The following PIP5K1B variants were observed in gnomAD, a reference collection of about 807,000 sequenced individuals.
The protein encoded by PIP5K1B is phosphatidylinositol-4-phosphate 5-kinase type 1 beta.
PIP5K1B carries 42 observed loss-of-function variants against 67.0 expected under a neutral mutation model. The observed-to-expected ratio is 0.63, with a 90% CI of 0.49 to 0.81. The LOEUF (loss-of-function observed/expected upper bound fraction) is 0.81, where lower values mean the gene tolerates loss of function less well. Among genes scored for constraint, PIP5K1B ranks in the 30% least tolerant of loss-of-function variants. The pLI, the probability that PIP5K1B is intolerant of heterozygous loss-of-function variation, is 0.00. For synonymous variants in PIP5K1B, 214 were observed against 231.4 expected (o/e 0.92, Z 0.68); for missense variants, 459 against 646.3 (o/e 0.71, Z 3.14).
At chr9:68,985,117 G>A (rs1403660362) in intron 14 of PIP5K1B, among the ~76,000 whole-genome samples, 1 of 152,184 alleles carries the variant, frequency 6.6e-6, no homozygotes, top group Non-Finnish European at 1.5e-5. Context: ...GTCTAAGGAA[G>A]GCAGCTGCAA....
At chr9:68,891,999 A>G (rs533182770) in intron 7 of PIP5K1B, among the ~76,000 whole-genome samples, 13 of 152,320 alleles carry the variant, frequency 8.5e-5, no homozygotes, top group South Asian at 6.2e-4. Flanking sequence ...AAAGAATGTA[A>G]TAAGAAAAAT....
chr9:68,979,047 T>C (rs1829767808), intron 14 of PIP5K1B, among the ~76,000 whole-genome samples: 1 of 152,370 alleles, frequency 6.6e-6, no homozygotes, highest in Admixed American at 6.5e-5. Context: ...AATCAAGACT[T>C]GTATATAGAA....
chr9:68,879,234 A>G (rs1824050704), intron 6 of PIP5K1B, among the ~76,000 whole-genome samples: 1 of 152,234 alleles, frequency 6.6e-6, no homozygotes, highest in Admixed American at 6.5e-5. Context: ...TCTGGGATGT[A>G]CTTCAATAGT....
At chr9:68,778,495 CAATCTAAATTT>C (rs1393162079) in intron 2 of PIP5K1B, among the ~76,000 whole-genome samples, 2 of 152,176 alleles carry the variant, frequency 1.3e-5, no homozygotes, top group Admixed American at 1.3e-4. Flanking sequence ...ATTTCTTTCA[CAATCTAAATTT>C]AATCCATCTG....
rs901949471 is a variant in PIP5K1B, at chr9:68,920,375, T to C, written c.1116+646T>C. Among the ~76,000 whole-genome samples, 12 of 130,226 alleles carry C rather than the reference T, an allele frequency of 9.2e-5. 1 individual carries two copies. The highest frequency in any genetic ancestry group is 3.8e-4 in the African/African-American group (12 of 31,756). 85.4% of individuals were successfully genotyped at this position (130,226 alleles called of 152,430 possible). A position where few individuals can be genotyped will look rare whatever the true frequency, so the allele number is the denominator to read the frequency against. ...TGAGGTTGTCTTTTTTTTTTTTTTT[T>C]TTTTTTTTTTGAGATGGAGTCTTGC... On this transcript the variant is annotated intron_variant, in intron 11 of 15. Coordinates refer to ENST00000265382, the MANE Select transcript of PIP5K1B (RefSeq NM_003558.4).
intron 4 of PIP5K1B, among the ~76,000 whole-genome samples, chr9:68,838,108 A>G (rs1049362454): frequency 9.0e-5 from 13 of 144,654 alleles, no homozygotes; most frequent in Non-Finnish European, 1.5e-4. Flanking sequence ...TTTTTTTTCC[A>G]TTACATTTTC....
At chr9:68,789,501 A>T in intron 2 of PIP5K1B, 1 of 521,758 alleles carries the variant, frequency 1.9e-6, no homozygotes. Flanking sequence ...GTAAACACTT[A>T]AGAGACAGTG....
intron 14 of PIP5K1B, among the ~76,000 whole-genome samples, chr9:68,968,527 C>G (rs1439010628): frequency 6.8e-6 from 1 of 148,136 alleles, no homozygotes; most frequent in Admixed American, 6.8e-5. Flanking sequence ...AAAACCTGTT[C>G]TAATAACTGC....
intron 1 of PIP5K1B, among the ~76,000 whole-genome samples, chr9:68,737,783 A>C (rs1430245870): frequency 6.6e-6 from 1 of 152,188 alleles, no homozygotes; most frequent in African/African-American, 2.4e-5. Context: ...TCATCATATA[A>C]ATTATTTAGG....
At chr9:69,008,365 G>T in intron 15 of PIP5K1B, 82 bp from the exon 16 acceptor site, 2 of 1,257,218 alleles carry the variant, frequency 1.6e-6, no homozygotes, top group South Asian at 2.4e-5. Context: ...GAGAAATAAC[G>T]AACTTATGTT....
At chr9:68,926,013 T>C (rs1221969860) in intron 12 of PIP5K1B, among the ~76,000 whole-genome samples, 1 of 151,798 alleles carries the variant, frequency 6.6e-6, no homozygotes. Flanking sequence ...CCAGGCTGTC[T>C]TGAACTCCCA....
Position 68,747,550 on chromosome 9 carries a change from A to T in PIP5K1B, c.-86+4893A>T, listed in dbSNP as rs144508659. 6.6e-3 allele frequency among the ~76,000 whole-genome samples: 1,011 copies of T among 152,222 alleles called. 9 individuals are homozygous for T. Among genetic ancestry groups the T allele is most frequent in the African/African-American group, 0.023 (968 of 41,514 alleles). ...TCTCATCTGGCTCTGTTATAAGGAA[A>T]TGCAAGCAGGCAACTAATTTTAGGA... On this transcript the variant is annotated intron_variant, in intron 2 of 15. Coordinates refer to ENST00000265382, the MANE Select transcript of PIP5K1B (RefSeq NM_003558.4).
chr9:68,991,074 C>A, intron 14 of PIP5K1B, 66 bp from the exon 15 acceptor site: 1 of 907,250 alleles, frequency 1.1e-6, no homozygotes, highest in African/African-American at 1.6e-5. Context: ...CTCTTTAGGA[C>A]TTTGGAGGTG....
At chr9:68,926,899 C>A (rs367590606) in intron 12 of PIP5K1B, among the ~76,000 whole-genome samples, 48 of 152,158 alleles carry the variant, frequency 3.2e-4, no homozygotes, top group African/African-American at 8.9e-4. Flanking sequence ...ATTTTCATTA[C>A]CCCAAAAAGA....
At chr9:68,799,811 T>C (rs183038942) in intron 2 of PIP5K1B, among the ~76,000 whole-genome samples, 2 of 152,178 alleles carry the variant, frequency 1.3e-5, no homozygotes, top group African/African-American at 4.8e-5. Flanking sequence ...AAAGGCTTCA[T>C]GACATTGGTT....
At chr9:68,783,765 A>G (rs1328037837) in intron 2 of PIP5K1B, 1 of 166,968 alleles carries the variant, frequency 6.0e-6, no homozygotes, top group Non-Finnish European at 1.5e-5. Context: ...GCAACTTCCT[A>G]ACTCCCACTT....
intron 4 of PIP5K1B, among the ~76,000 whole-genome samples, chr9:68,848,446 G>A (rs908321256): frequency 9.2e-5 from 14 of 152,150 alleles, no homozygotes; most frequent in African/African-American, 3.4e-4. Flanking sequence ...TCACCCACAA[G>A]CTGCTGTTAC....
intron 4 of PIP5K1B, among the ~76,000 whole-genome samples, chr9:68,826,407 T>G (rs552362282): frequency 9.2e-5 from 14 of 152,304 alleles, no homozygotes; most frequent in South Asian, 4.1e-4. Flanking sequence ...TGCCAGATAC[T>G]CTGATGTTTT....
intron 1 of PIP5K1B, among the ~76,000 whole-genome samples, chr9:68,717,298 G>T (rs1451365739): frequency 2.6e-5 from 4 of 152,156 alleles, no homozygotes; most frequent in Admixed American, 2.6e-4. Flanking sequence ...AGACTGGACG[G>T]TAGCATCCTA....
Sources: allele counts gnomAD v4.1 joint callset (sites outside exome capture counted in the v4.1 genomes callset), GRCh38; gene constraint gnomAD v4.1.1; transcripts MANE v1.5; gene names NCBI Gene and HGNC (gene_info 2026-07-23, HGNC 2026-07-21).